Variants in LRRC49 observed in about 807,000 individuals in gnomAD.
LRRC49 encodes leucine-rich repeat-containing protein 49.
A neutral mutation model predicts 83.3 loss-of-function variants in LRRC49; 50 were observed. The observed-to-expected ratio is 0.60, with a 90% CI of 0.48 to 0.76. LRRC49 has a LOEUF of 0.76. Among genes scored for constraint, LRRC49 ranks in the 30% least tolerant of loss-of-function variants. LRRC49 has a pLI of 0.00. For missense variants in LRRC49, 704 were observed against 809.1 expected, an observed-to-expected ratio of 0.87 and a Z score of 1.58; for synonymous variants, 286 against 283.3, an observed-to-expected ratio of 1.01 and a Z score of -0.10.
chr15:70,964,311 A>G (rs994696034), intron 9 of LRRC49, among the ~76,000 whole-genome samples: 1 of 152,132 alleles, frequency 6.6e-6, no homozygotes, highest in Non-Finnish European at 1.5e-5. Context: ...ACTGCTTTCT[A>G]ACGATAGTCC....
intron 10 of LRRC49, among the ~76,000 whole-genome samples, chr15:70,981,517 A>C (rs536837763): frequency 8.0e-4 from 122 of 152,306 alleles, no homozygotes; most frequent in Admixed American, 2.0e-3. Flanking sequence ...AGAATGCTAA[A>C]AAATAAAAAA....
At chr15:70,939,527 A>T (rs2035725992) in intron 8 of LRRC49, among the ~76,000 whole-genome samples, 1 of 152,200 alleles carries the variant, frequency 6.6e-6, no homozygotes, top group African/African-American at 2.4e-5. Context: ...TTTGTCAGTA[A>T]GGATCTTGCC....
At chr15:71,023,388 C>T (rs1227394816) in intron 14 of LRRC49, among the ~76,000 whole-genome samples, 2 of 152,062 alleles carry the variant, frequency 1.3e-5, no homozygotes, top group African/African-American at 2.4e-5. Flanking sequence ...TTAAAAAAAT[C>T]AGTAAAGATA....
intron 8 of LRRC49, among the ~76,000 whole-genome samples, chr15:70,947,650 G>A (rs551038062): frequency 1.6e-4 from 25 of 152,298 alleles, no homozygotes; most frequent in African/African-American, 4.8e-4. Context: ...AGCAGTATTA[G>A]CATCACTGGG....
At chr15:71,014,838 A>G (rs1240117976) in intron 14 of LRRC49, among the ~76,000 whole-genome samples, 1 of 152,190 alleles carries the variant, frequency 6.6e-6, no homozygotes, top group African/African-American at 2.4e-5. Context: ...CTAACATAAG[A>G]AAGACTATAG....
In LRRC49 at chr15:70,875,469, TA is replaced by T. The variant is rs113659567; in HGVS notation, c.18+2251del. ...CACAACAAACCTATGATCGAGGAAC[TA>T]AAAACAGCCGTACTTTACAGATGAG... On this transcript the variant is annotated intron_variant, in intron 2 of 16. Coordinates refer to the LRRC49 transcript ENST00000544974. Among the ~76,000 whole-genome samples the T allele has an allele frequency of 8.8e-3, 1,334 of 152,272 alleles. 21 individuals carry two copies. The highest frequency in any genetic ancestry group is 0.03 in the African/African-American group (1,264 of 41,556).
intron 4 of LRRC49, among the ~76,000 whole-genome samples, 171 bp from the exon 5 acceptor site, chr15:70,904,381 G>A (rs2034210930): frequency 6.6e-6 from 1 of 152,014 alleles, no homozygotes; most frequent in Admixed American, 6.6e-5. Context: ...CTTTTTTTGT[G>A]TGAATGATTT....
intron 14 of LRRC49, among the ~76,000 whole-genome samples, chr15:71,020,361 C>T (rs573608823): frequency 6.6e-6 from 1 of 152,232 alleles, no homozygotes; most frequent in Admixed American, 6.5e-5. Context: ...TAACATCTGA[C>T]TGAAGTTTCT....
chr15:70,948,375 A>G (rs2036087060), intron 8 of LRRC49, among the ~76,000 whole-genome samples: 1 of 152,124 alleles, frequency 6.6e-6, no homozygotes, highest in Admixed American at 6.5e-5. Flanking sequence ...TTCTACCACT[A>G]AGGCATTAAC....
chr15:71,034,235 A>G (rs1373318504), intron 14 of LRRC49, among the ~76,000 whole-genome samples: 1 of 152,234 alleles, frequency 6.6e-6, no homozygotes, highest in African/African-American at 2.4e-5. Flanking sequence ...ACATGAGCAG[A>G]CACTTCTCAA....
intron 9 of LRRC49, among the ~76,000 whole-genome samples, chr15:70,973,857 G>A (rs915401487): frequency 2.0e-5 from 3 of 152,102 alleles, no homozygotes; most frequent in East Asian, 1.9e-4. Context: ...GGCCCAGTGC[G>A]GTGGCTTACT....
At chr15:70,915,908 A>G (rs951610869) in intron 6 of LRRC49, among the ~76,000 whole-genome samples, 3 of 152,228 alleles carry the variant, frequency 2.0e-5, no homozygotes, top group Admixed American at 1.3e-4. Context: ...GATGGAACCT[A>G]GATGGTGTTT....
At chr15:70,972,701 C>G (rs555633380) in intron 9 of LRRC49, among the ~76,000 whole-genome samples, 1 of 152,110 alleles carries the variant, frequency 6.6e-6, no homozygotes. Context: ...TCTTTTTTCT[C>G]TAATCTTGTC....
intron 8 of LRRC49, among the ~76,000 whole-genome samples, chr15:70,948,495 GTTTT>G (rs34256149): frequency 7.1e-6 from 1 of 140,742 alleles, no homozygotes; most frequent in Non-Finnish European, 1.5e-5. Context: ...CATTAGCAAA[GTTTT>G]TTTTTTTTTT....
At chr15:70,866,472 G>T (rs1270258510) in intron 1 of LRRC49, among the ~76,000 whole-genome samples, 1 of 152,142 alleles carries the variant, frequency 6.6e-6, no homozygotes, top group Non-Finnish European at 1.5e-5. Context: ...TAGTGAGGCT[G>T]CAGCCCACTG....
At chr15:70,901,699 A>G (rs182090097) in intron 4 of LRRC49, among the ~76,000 whole-genome samples, 1 of 152,264 alleles carries the variant, frequency 6.6e-6, no homozygotes, top group Admixed American at 6.5e-5. Context: ...CTATTTACTT[A>G]TTATGTTTAG....
At chr15:71,008,153 G>A (rs2038525357) in intron 11 of LRRC49, among the ~76,000 whole-genome samples, 1 of 151,846 alleles carries the variant, frequency 6.6e-6, no homozygotes, top group African/African-American at 2.4e-5. Context: ...TTTGGGTTTA[G>A]AGGTGATCTT....
intron 14 of LRRC49, among the ~76,000 whole-genome samples, chr15:71,030,138 G>A (rs1434397867): frequency 6.6e-6 from 1 of 152,138 alleles, no homozygotes; most frequent in Non-Finnish European, 1.5e-5. Flanking sequence ...ATTTTGGTAT[G>A]TTTTTGCAGT....
At position 71,037,250 on chromosome 15, in the gene LRRC49, A is replaced by T; in HGVS notation, c.1775A>T (p.Asp592Val). The T allele has an allele frequency of 6.2e-7, 1 of 1,609,660 alleles. No individual in the cohort carries two copies. The highest frequency in any genetic ancestry group is 1.3e-5 in the African/African-American group (1 of 74,852). ...KPGIINEENN[D>V]SKRLVGENTN... ...GGTATTATCAACGAAGAAAATAATGACAGCAAAAGACTTGTAGGAGAAAAC... is the reference window on the plus strand; with the variant it reads ...GGTATTATCAACGAAGAAAATAATGTCAGCAAAAGACTTGTAGGAGAAAAC... Residue 592 changes from aspartate (D) to valine (V), a missense_variant, in exon 15 of 16, where the codon GAC becomes GTC. Physicochemically the swap from Asp to Val is radical, Grantham distance 152. This residue lies in a region of LRRC49 where 275 missense variants were observed against 338.0 expected (regional missense o/e 0.81). Transcript: ENST00000260382.
Sources: allele counts gnomAD v4.1 joint callset (sites outside exome capture counted in the v4.1 genomes callset), GRCh38; gene constraint gnomAD v4.1.1; regional missense constraint gnomAD v4.1.1; transcripts MANE v1.5; gene names NCBI Gene and HGNC (gene_info 2026-07-23, HGNC 2026-07-21).